RBPMS: variants seen among roughly 807,000 people sequenced by gnomAD.
RBPMS encodes the protein RNA binding protein, mRNA processing factor.
In RBPMS, 7 loss-of-function variants were observed where a neutral mutation model predicts 26.8. That is an observed-to-expected ratio of 0.26 (90% CI 0.15 to 0.49). RBPMS has a LOEUF of 0.49. RBPMS is among the 20% of genes least tolerant of loss of function. RBPMS has a pLI of 0.98. For synonymous variants in RBPMS, 96 were observed against 93.3 expected, an observed-to-expected ratio of 1.03 and a Z score of -0.17; for missense variants, 186 against 250.0, an observed-to-expected ratio of 0.74 and a Z score of 1.73.
intron 1 of RBPMS, among the ~76,000 whole-genome samples, chr8:30,432,927 C>T (rs1031126138): frequency 2.0e-5 from 3 of 152,218 alleles, no homozygotes; most frequent in African/African-American, 7.2e-5. Flanking sequence ...AGAAAAATCA[C>T]ACAGGGTCTG....
At chr8:30,424,020 T>C (rs1811095781) in intron 1 of RBPMS, among the ~76,000 whole-genome samples, 1 of 152,048 alleles carries the variant, frequency 6.6e-6, no homozygotes, top group South Asian at 2.1e-4. Flanking sequence ...GTATTTTTTG[T>C]AGAGACAGAG....
intron 4 of RBPMS, among the ~76,000 whole-genome samples, chr8:30,481,637 G>T (rs1818294063): frequency 6.6e-6 from 1 of 152,014 alleles, no homozygotes; most frequent in African/African-American, 2.4e-5. Flanking sequence ...AATAACTTGG[G>T]AAGGACCCCA....
intron 1 of RBPMS, among the ~76,000 whole-genome samples, chr8:30,434,330 G>C (rs1812225059): frequency 1.3e-5 from 2 of 152,064 alleles, no homozygotes; most frequent in African/African-American, 4.8e-5. Flanking sequence ...ATCAAAGATT[G>C]TTATGGGAGA....
At chr8:30,557,279 GGGA>G (rs1228285475) in intron 6 of RBPMS, among the ~76,000 whole-genome samples, 2 of 152,222 alleles carry the variant, frequency 1.3e-5, no homozygotes, top group African/African-American at 4.8e-5. Context: ...GAGGCCCATG[GGGA>G]GGAGGAGGTT....
chr8:30,526,845 G>T (rs1428243421), intron 5 of RBPMS, among the ~76,000 whole-genome samples: 1 of 152,172 alleles, frequency 6.6e-6, no homozygotes, highest in Non-Finnish European at 1.5e-5. Context: ...TGCAGATCTG[G>T]AAGAAGGAGA....
rs535901528 is a variant in RBPMS, at chr8:30,411,322, CAG to C, written c.66+26167_66+26168del. On this transcript the variant is annotated intron_variant, in intron 1 of 8. Transcript: ENST00000397323. ...AATCTTCTGGAGATTCTGTGGGAGA[CAG>C]AGGACGGAGGGTGGTGTGTGTTCCT... is the stretch of plus-strand genomic sequence containing the variant. Among the ~76,000 whole-genome samples the C allele has an allele frequency of 1.9e-3, 289 of 152,174 alleles. 2 individuals are homozygous for C. Among genetic ancestry groups the C allele is most frequent in the African/African-American group, 6.7e-3 (278 of 41,538 alleles).
intron 1 of RBPMS, among the ~76,000 whole-genome samples, chr8:30,429,240 C>T (rs566830335): frequency 1.3e-3 from 198 of 152,260 alleles, no homozygotes; most frequent in African/African-American, 4.4e-3. Flanking sequence ...TTTGTCATCA[C>T]GTGGATGGCC....
intron 1 of RBPMS, among the ~76,000 whole-genome samples, chr8:30,388,261 A>G (rs1313047301): frequency 6.6e-6 from 1 of 151,966 alleles, no homozygotes; most frequent in African/African-American, 2.4e-5. Flanking sequence ...AATGATTCCT[A>G]GAATTTCTCT....
chr8:30,463,059 A>G (rs546300354), intron 1 of RBPMS, among the ~76,000 whole-genome samples: 3 of 152,328 alleles, frequency 2.0e-5, no homozygotes, highest in East Asian at 1.9e-4. Flanking sequence ...TAACAGTTGC[A>G]TGATAATACC....
chr8:30,471,676 A>G (rs560085438), intron 1 of RBPMS, among the ~76,000 whole-genome samples: 1 of 152,320 alleles, frequency 6.6e-6, no homozygotes, highest in African/African-American at 2.4e-5. Context: ...AGTGGAATAG[A>G]TGGTGTTCAC....
At chr8:30,535,337 T>C (rs577936693) in intron 5 of RBPMS, among the ~76,000 whole-genome samples, 14 of 152,320 alleles carry the variant, frequency 9.2e-5, no homozygotes, top group Admixed American at 6.5e-4. Context: ...GATAACAGTT[T>C]TGTGAAGGAC....
At chr8:30,456,107 T>G (rs1815175213) in intron 1 of RBPMS, among the ~76,000 whole-genome samples, 1 of 152,180 alleles carries the variant, frequency 6.6e-6, no homozygotes, top group Non-Finnish European at 1.5e-5. Flanking sequence ...GTTGTGTGTG[T>G]GTTTTTTAAT....
At chr8:30,492,625 A>AT (rs1412849604) in intron 4 of RBPMS, among the ~76,000 whole-genome samples, 1 of 152,030 alleles carries the variant, frequency 6.6e-6, no homozygotes, top group African/African-American at 2.4e-5. Context: ...AATGAAAGTG[A>AT]TTCTCTCAAT....
rs911360927 is a variant in RBPMS at position 30,568,960 on chromosome 8, C to T, written c.*112-1677C>T. 8.7e-5 allele frequency among the ~76,000 whole-genome samples: 13 copies of T among 149,946 alleles called. 1 individual carries two copies. The East Asian group carries it at 2.5e-3, about 29-fold the overall frequency. On this transcript the variant is annotated intron_variant, in intron 8 of 8. Coordinates refer to ENST00000397323, the MANE Select transcript of RBPMS (RefSeq NM_001008710.3). ...AACCAGACTTGCTCCCGCCCTCCTC[C>T]TGCCTATGTTCCTTCTCCCTTCAGA...
intron 1 of RBPMS, among the ~76,000 whole-genome samples, chr8:30,421,977 A>G (rs1048312568): frequency 2.6e-5 from 4 of 151,428 alleles, no homozygotes; most frequent in African/African-American, 7.3e-5. Context: ...AGAAAAAAAA[A>G]GCTGGTTGCT....
chr8:30,545,551 G>C, intron 6 of RBPMS: 6 of 641,824 alleles, frequency 9.3e-6, no homozygotes, highest in Non-Finnish European at 1.2e-5. Context: ...GGCTGGACAG[G>C]CAGAGTTTTC....
At chr8:30,435,594 G>A (rs976711164) in intron 1 of RBPMS, among the ~76,000 whole-genome samples, 6 of 152,160 alleles carry the variant, frequency 3.9e-5, no homozygotes, top group African/African-American at 1.4e-4. Flanking sequence ...GTGGGTCAGA[G>A]GGTACTGTGT....
chr8:30,446,886 A>G (rs4449748), intron 1 of RBPMS: 117,527 of 146,714 alleles, frequency 0.8, 47,541 homozygotes, highest in African/African-American at 0.91. Flanking sequence ...TAGAGATGGA[A>G]CTTCAGTATT....
chr8:30,421,101 T>G (rs910830628), intron 1 of RBPMS, among the ~76,000 whole-genome samples: 3 of 152,164 alleles, frequency 2.0e-5, no homozygotes, highest in African/African-American at 7.2e-5. Flanking sequence ...AGGTTAGAGA[T>G]TTAGAATTTG....
Sources: allele counts gnomAD v4.1 joint callset (sites outside exome capture counted in the v4.1 genomes callset), GRCh38; gene constraint gnomAD v4.1.1; transcripts MANE v1.5; gene names NCBI Gene and HGNC (gene_info 2026-07-23, HGNC 2026-07-21).